Variants in FAT3 observed in about 807,000 individuals in gnomAD.
FAT3 encodes FAT atypical cadherin 3.
FAT3 carries 95 observed loss-of-function variants against 310.2 expected under a neutral mutation model. That is an observed-to-expected ratio of 0.31 (90% CI 0.26 to 0.36). The LOEUF (loss-of-function observed/expected upper bound fraction) is 0.36. FAT3 is among the 10% of genes least tolerant of loss of function. The pLI, the probability that FAT3 is intolerant of heterozygous loss-of-function variation, is 1.00. For synonymous variants in FAT3, 2,314 were observed against 2,192.9 expected, an observed-to-expected ratio of 1.06 and a Z score of -1.54; for missense variants, 5,408 against 5,715.6, an observed-to-expected ratio of 0.95 and a Z score of 1.74.
intron 3 of FAT3, among the ~76,000 whole-genome samples, chr11:92,537,368 T>C (rs922362676): frequency 9.2e-5 from 14 of 152,082 alleles, no homozygotes; most frequent in African/African-American, 3.4e-4. Flanking sequence ...CTCAAGGGTG[T>C]AGTGAAAAGG....
At chr11:92,437,554 A>G (rs903813337) in intron 2 of FAT3, among the ~76,000 whole-genome samples, 1 of 152,190 alleles carries the variant, frequency 6.6e-6, no homozygotes, top group Non-Finnish European at 1.5e-5. Flanking sequence ...TATACACTCA[A>G]TAAACATTGT....
chr11:92,544,571 G>A lies in FAT3; in HGVS notation c.3607+19623G>A, dbSNP rs907455712. ...ATAACTGCCAATCAAATGTGCCCTG[G>A]GACAAACTGTGTCTGCCATCACCTG... is the stretch of plus-strand genomic sequence containing the variant. On this transcript the variant is annotated intron_variant, in intron 3 of 27. Transcript: ENST00000525166. Among the ~76,000 whole-genome samples the A allele has an allele frequency of 6.6e-5, 10 of 152,012 alleles. No individual in the cohort carries two copies. In the South Asian group the frequency reaches 2.1e-3, roughly 32 times the overall value.
intron 3 of FAT3, 115 bp downstream of exon 3, chr11:92,525,063 C>T (rs1323206037): frequency 3.3e-6 from 3 of 899,350 alleles, no homozygotes; most frequent in Admixed American, 2.8e-5. Flanking sequence ...ATCTTCCTTT[C>T]TGAGAATGGT....
rs534798033 is a variant in FAT3, at chr11:92,604,190, A to G, written c.3607+79242A>G. ...GAGGGAACTTCTTGAAAGTTTACCCATAGTAATACTGCTGAGCAGATAGCA... is the reference window on the plus strand; with the variant it reads ...GAGGGAACTTCTTGAAAGTTTACCCGTAGTAATACTGCTGAGCAGATAGCA... On this transcript the variant is annotated intron_variant, in intron 3 of 27. Coordinates refer to ENST00000525166, the MANE Select transcript of FAT3 (RefSeq NM_001367949.2). Among the ~76,000 whole-genome samples the G allele has an allele frequency of 7.2e-5, 11 of 152,340 alleles. No homozygotes were observed. The South Asian group carries it at 1.4e-3, about 20-fold the overall frequency.
At position 92,799,756 on chromosome 11, in the gene FAT3, A is replaced by C. The variant is rs1364884172; in HGVS notation, c.6743A>C (p.Tyr2248Ser). 7.4e-6 allele frequency: 12 copies of C among 1,612,702 alleles called. No individual in the cohort carries two copies. Among genetic ancestry groups the C allele is most frequent in the African/African-American group, 1.3e-5 (1 of 74,914 alleles). ...CTGAAAGTTGTTAGCCCTTTGGATT[A>C]TGAAGTTACATCTGCTTACAAGCTG... The part of the protein sequence containing the change: ...GVLKVVSPLD[Y>S]EVTSAYKLTI... The change falls in exon 10 of 28, where the codon TAT becomes TCT. Residue 2248 changes from tyrosine to serine, a missense_variant. Tyr to Ser is a moderately radical substitution (Grantham distance 144). This residue lies in a region of FAT3 where 4,588 missense variants were observed against 4,809.8 expected (regional missense o/e 0.95). Coordinates refer to ENST00000525166, the MANE Select transcript of FAT3 (RefSeq NM_001367949.2).
intron 3 of FAT3, among the ~76,000 whole-genome samples, chr11:92,639,874 C>G (rs1003422584): frequency 2.6e-5 from 4 of 152,220 alleles, no homozygotes; most frequent in Admixed American, 1.3e-4. Context: ...ATATAATCAC[C>G]TTACAGGAAA....
chr11:92,703,894 A>G (rs1197839766), intron 4 of FAT3, among the ~76,000 whole-genome samples: 1 of 152,238 alleles, frequency 6.6e-6, no homozygotes. Flanking sequence ...CTGTCTTGGC[A>G]TCAAGAAACT....
At chr11:92,830,749 C>T (rs1242881115) in intron 13 of FAT3, among the ~76,000 whole-genome samples, 9 of 152,152 alleles carry the variant, frequency 5.9e-5, no homozygotes, top group African/African-American at 2.2e-4. Context: ...TGACAACCCC[C>T]TCTTTCCAAT....
chr11:92,314,374 C>T, intron 1 of FAT3: 1 of 730,612 alleles, frequency 1.4e-6, no homozygotes, highest in Non-Finnish European at 1.7e-6. Flanking sequence ...ACATATGAAG[C>T]CCCTCATTGC....
intron 1 of FAT3, among the ~76,000 whole-genome samples, chr11:92,313,238 G>A (rs1445212681): frequency 6.6e-6 from 1 of 152,110 alleles, no homozygotes; most frequent in Non-Finnish European, 1.5e-5. Flanking sequence ...TGCCACATAG[G>A]AAAACCAAAA....
At chr11:92,590,268 A>G (rs1289430364) in intron 3 of FAT3, among the ~76,000 whole-genome samples, 1 of 152,176 alleles carries the variant, frequency 6.6e-6, no homozygotes, top group Non-Finnish European at 1.5e-5. Context: ...GGAAAAGGCT[A>G]CTTGAGAGAA....
intron 1 of FAT3, among the ~76,000 whole-genome samples, chr11:92,333,710 A>G (rs533114020): frequency 1.3e-4 from 20 of 151,888 alleles, no homozygotes; most frequent in Non-Finnish European, 2.5e-4. Context: ...TCTGCCTCAT[A>G]AATATACATC....
At chr11:92,374,630 A>G (rs1365507681) in intron 2 of FAT3, among the ~76,000 whole-genome samples, 1 of 152,222 alleles carries the variant, frequency 6.6e-6, no homozygotes, top group Non-Finnish European at 1.5e-5. Context: ...ATAAATGCAG[A>G]TTTGTTAAGC....
chr11:92,623,946 G>GA (rs946448169), intron 3 of FAT3, among the ~76,000 whole-genome samples: 14 of 149,290 alleles, frequency 9.4e-5, no homozygotes, highest in Admixed American at 2.7e-4. Flanking sequence ...CTGCCTCAAA[G>GA]AAAAAAAAAA....
chr11:92,871,880 G>T (rs1462898031), intron 22 of FAT3, among the ~76,000 whole-genome samples: 1 of 152,066 alleles, frequency 6.6e-6, no homozygotes, highest in East Asian at 1.9e-4. Flanking sequence ...CTCTATATTT[G>T]AAGAAATGCA....
intron 4 of FAT3, among the ~76,000 whole-genome samples, chr11:92,727,811 G>T (rs1437760676): frequency 6.6e-6 from 1 of 152,190 alleles, no homozygotes; most frequent in Non-Finnish European, 1.5e-5. Flanking sequence ...CGGCTTACCT[G>T]CAGGCTCCAG....
intron 2 of FAT3, among the ~76,000 whole-genome samples, chr11:92,496,550 C>T (rs529789750): frequency 6.6e-6 from 1 of 152,140 alleles, no homozygotes; most frequent in Non-Finnish European, 1.5e-5. Context: ...TGCCTCTTCT[C>T]CCCCTGCACT....
intron 3 of FAT3, among the ~76,000 whole-genome samples, chr11:92,566,938 A>G (rs541760985): frequency 3.7e-4 from 56 of 152,306 alleles, no homozygotes; most frequent in African/African-American, 1.3e-3. Context: ...AAAACCGTAG[A>G]AGAAAACCTA....
chr11:92,722,029 C>T (rs532168445), intron 4 of FAT3, among the ~76,000 whole-genome samples: 17 of 152,014 alleles, frequency 1.1e-4, no homozygotes, highest in African/African-American at 4.1e-4. Context: ...TCCCCTGGCC[C>T]CTCCCAAATC....
Sources: gnomAD v4.1 joint callset for allele counts (sites outside exome capture counted in the v4.1 genomes callset) on GRCh38, gnomAD v4.1.1 for gene constraint, gnomAD v4.1.1 regional missense constraint, MANE v1.5 for transcripts, NCBI Gene and HGNC (gene_info 2026-07-23, HGNC 2026-07-21) for gene names.